Variants in PRKD2 observed in about 807,000 individuals in gnomAD.
PRKD2 encodes the protein protein kinase D2.
In PRKD2, 22 loss-of-function variants were observed where a neutral mutation model predicts 86.0. The observed-to-expected ratio is 0.26, with a 90% CI of 0.18 to 0.37. PRKD2 has a LOEUF of 0.37. Among genes scored for constraint, PRKD2 ranks in the 10% least tolerant of loss-of-function variants. The probability of loss-of-function intolerance (pLI) is 1.00; values close to 1 mark genes in which losing one functional copy is unlikely to be tolerated. For synonymous variants in PRKD2, 509 were observed against 510.9 expected, an observed-to-expected ratio of 1.00 and a Z score of 0.05; for missense variants, 818 against 1,199.2, an observed-to-expected ratio of 0.68 and a Z score of 4.70.
rs757388004 is a variant in PRKD2, at chr19:46,697,188, A to C, written c.1286T>G (p.Phe429Cys). 6.3e-7 allele frequency: 1 copy of C among 1,598,160 alleles called. No homozygotes were observed. Among genetic ancestry groups the C allele is most frequent in the Non-Finnish European group, 8.6e-7 (1 of 1,165,632 alleles). ...GTATCTGTTGGTCGTGTTGTTCTGG[A>C]AGAGCGTGATACACTTGCAGTCCAG... ...WRLDCKCITL[F>C]QNNTTNRYYK... Residue 429 changes from phenylalanine to cysteine, a missense_variant, in exon 9 of 18, where the codon TTC (phenylalanine) becomes TGC (cysteine). Coordinates refer to ENST00000291281, the MANE Select transcript of PRKD2 (RefSeq NM_016457.5).
At chr19:46,704,432 G>T (rs748769229) in intron 4 of PRKD2, 41 bp from the exon 5 acceptor site, 1 of 1,613,758 alleles carries the variant, frequency 6.2e-7, no homozygotes. Context: ...CAGTGCGTTG[G>T]CCCCATGCCT....
rs1599847517 is a variant in PRKD2 at position 46,716,461 on chromosome 19, C to T, written c.-91G>A. 3 of 644,468 alleles carry T rather than the reference C, an allele frequency of 4.7e-6. No individual in the cohort carries two copies. Among genetic ancestry groups the T allele is most frequent in the East Asian group, 3.4e-5 (1 of 29,576 alleles). The allele number at this position is 644,468 out of a possible 1,614,324, so 39.9% of individuals were successfully genotyped here. On this transcript the variant is annotated 5_prime_UTR_variant, in exon 1 of 18. Coordinates refer to ENST00000291281, the MANE Select transcript of PRKD2 (RefSeq NM_016457.5). The surrounding 1 kb of genome is among the most constrained non-coding windows in gnomAD (Gnocchi z 7.9). ...CCTGGGTTCTAGATCCGCGGGATCT[C>T]GTGAGCAGGTGGTGGGAGAGCGGGG...
chr19:46,685,117 G>A (rs770951108), intron 14 of PRKD2, among the ~76,000 whole-genome samples: 1 of 151,378 alleles, frequency 6.6e-6, no homozygotes, highest in African/African-American at 2.4e-5. Flanking sequence ...AAATTAGCCC[G>A]GTGTACTGGG....
chr19:46,700,545 T>C (rs1032753418), intron 7 of PRKD2, among the ~76,000 whole-genome samples: 6 of 151,952 alleles, frequency 3.9e-5, no homozygotes, highest in African/African-American at 1.5e-4. Flanking sequence ...GGTGGCAGGA[T>C]CGCTTGAGCC....
chr19:46,710,808 G>T (rs1008900635), intron 3 of PRKD2, 99 bp downstream of exon 3: 2 of 1,291,548 alleles, frequency 1.5e-6, no homozygotes. Context: ...TCTGAGACCC[G>T]CTCCTCCTCC....
intron 2 of PRKD2, among the ~76,000 whole-genome samples, chr19:46,711,254 G>A (rs1303162760): frequency 6.6e-6 from 1 of 152,216 alleles, no homozygotes; most frequent in Non-Finnish European, 1.5e-5. Flanking sequence ...CAGGGACAGA[G>A]CGGGAATTGG....
At chr19:46,703,980 C>CACACACACAA (rs912126336) in intron 5 of PRKD2, among the ~76,000 whole-genome samples, 189 bp downstream of exon 5, 4 of 151,684 alleles carry the variant, frequency 2.6e-5, no homozygotes, top group African/African-American at 9.7e-5. Context: ...CACACACACA[C>CACACACACAA]ACACACACAC....
chr19:46,690,164 C>T (rs2053463190), intron 13 of PRKD2, among the ~76,000 whole-genome samples: 1 of 152,174 alleles, frequency 6.6e-6, no homozygotes, highest in Non-Finnish European at 1.5e-5. Flanking sequence ...CCCCCTCTCA[C>T]ATTCTCCAGT....
intron 5 of PRKD2, among the ~76,000 whole-genome samples, chr19:46,702,871 TAG>T (rs1784931306): frequency 1.3e-5 from 2 of 152,066 alleles, no homozygotes; most frequent in South Asian, 4.2e-4. Context: ...ATTTTTTTTG[TAG>T]AGACAGGGTT....
rs1478062454 is a variant in PRKD2, at chr19:46,678,100, C to A, written c.2338+296G>T. On this transcript the variant is annotated intron_variant, in intron 16 of 17. Coordinates refer to ENST00000291281, the MANE Select transcript of PRKD2 (RefSeq NM_016457.5). The surrounding 1 kb of genome is among the most constrained non-coding windows in gnomAD (Gnocchi z 5.7). ...CCTCAAGTCCAGTCCCTTTCCTGGT[C>A]CCACCCTAGACAAGCCAAGTCTCAC... Among the ~76,000 whole-genome samples, 4 of 152,178 alleles carry A rather than the reference C, an allele frequency of 2.6e-5. No homozygotes were observed. The highest frequency in any genetic ancestry group is 2.6e-4 in the Admixed American group (4 of 15,268).
chr19:46,674,691 C>T lies in PRKD2; in HGVS notation c.2469G>A (p.Met823Ile). The T allele has an allele frequency of 6.2e-7, 1 of 1,606,190 alleles. No homozygotes were observed. The highest frequency in any genetic ancestry group is 2.2e-5 in the East Asian group (1 of 44,880). Residue 823 changes from methionine to isoleucine, a missense_variant, in exon 18 of 18, where the codon ATG becomes ATA. Met to Ile is a conservative substitution (Grantham distance 10). This residue lies in a region of PRKD2 where 132 missense variants were observed against 146.2 expected (regional missense o/e 0.90). Coordinates refer to ENST00000291281, the MANE Select transcript of PRKD2 (RefSeq NM_016457.5). ...TCTCATGCGTGATGTATCGCTCTCC[C>T]ATCTTCCCCTCCAGCTCTCGGAGGT... The part of the protein sequence containing the change: ...WLDLRELEGK[M>I]GERYITHESD...
At chr19:46,690,736 G>A in intron 12 of PRKD2, 30 bp from the exon 13 acceptor site, 3 of 1,589,640 alleles carry the variant, frequency 1.9e-6, no homozygotes, top group Non-Finnish European at 1.7e-6. Context: ...GATGGGGGAT[G>A]AGAGAGCAAG....
chr19:46,706,594 T>A (rs1477861876), intron 3 of PRKD2, among the ~76,000 whole-genome samples: 2 of 152,188 alleles, frequency 1.3e-5, no homozygotes, highest in Non-Finnish European at 2.9e-5. Context: ...CCTGTCGGAA[T>A]GTAGTCATTT....
At chr19:46,683,123 G>A (rs2053335197) in intron 14 of PRKD2, among the ~76,000 whole-genome samples, 1 of 150,978 alleles carries the variant, frequency 6.6e-6, no homozygotes, top group African/African-American at 2.4e-5. Context: ...AAATAGCTAG[G>A]ACTACAGGCA....
chr19:46,716,179 G>C lies in PRKD2; in HGVS notation c.192C>G (p.Ser64=). The C allele has an allele frequency of 1.9e-6, 3 of 1,611,442 alleles. No individual in the cohort carries two copies. Among genetic ancestry groups the C allele is most frequent in the Non-Finnish European group, 1.7e-6 (2 of 1,179,386 alleles). The change falls in exon 1 of 18, where the codon TCC becomes TCG. Residue 64 remains serine (S), a synonymous_variant. Coordinates refer to ENST00000291281, the MANE Select transcript of PRKD2 (RefSeq NM_016457.5). This position sits in a 1 kb window ranked among gnomAD's most constrained non-coding sequence, Gnocchi z 7.9. ...TREFVLLPAA[S]ELAHVKQLAC... ...CCAGCTGCTTCACATGAGCCAGCTC[G>C]GAGGCGGCGGGCAACAGCACGAACT...
rs965679251 is a variant in PRKD2 at position 46,689,504 on chromosome 19, A to T, written c.1971+33T>A. On this transcript the variant is annotated intron_variant, in intron 14 of 17. Transcript: ENST00000291281. ...CTCTCCAAGCTGACACCTGATGGGG[A>T]GGGGCGGGTGGCAGCGGGCAGGGCA... 1.9e-6 allele frequency: 3 copies of T among 1,565,528 alleles called. No homozygotes were observed. The African/African-American group carries it at 4.0e-5, about 21-fold the overall frequency.
rs965969111 is a variant in PRKD2 at position 46,704,296 on chromosome 19, G to T, written c.762C>A (p.Asp254Glu). The T allele has an allele frequency of 1.2e-6, 2 of 1,614,222 alleles. No homozygotes were observed. Among genetic ancestry groups the T allele is most frequent in the Non-Finnish European group, 1.7e-6 (2 of 1,180,030 alleles). The change falls in exon 5 of 18, where the codon GAC (aspartate) becomes GAA (glutamate). Residue 254 changes from aspartate (D) to glutamate (E), a missense_variant. By Grantham distance (45) the Asp-to-Glu change is conservative. This residue lies in a region of PRKD2 where 403 missense variants were observed against 518.6 expected (regional missense o/e 0.78). Transcript: ENST00000291281. ...SSYTGRPIELDKMLLSKVKVP... is the reference protein window; with the variant it reads ...SSYTGRPIELEKMLLSKVKVP... ...CCTTGACCTTGGAGAGCAGCATCTT[G>T]TCCAGCTCAATGGGGCGGCCCGTAT...
At chr19:46,686,811 C>T (rs1344118184) in intron 14 of PRKD2, among the ~76,000 whole-genome samples, 3 of 151,638 alleles carry the variant, frequency 2.0e-5, no homozygotes, top group Non-Finnish European at 2.9e-5. Flanking sequence ...ATTAGCCGGG[C>T]GTGGTGGTGG....
intron 16 of PRKD2, among the ~76,000 whole-genome samples, chr19:46,675,696 T>A (rs2053190204): frequency 1.3e-5 from 2 of 152,172 alleles, no homozygotes; most frequent in Admixed American, 1.3e-4. Context: ...CCGCCTGCCT[T>A]GGCCTCCCAA....
Sources: allele counts gnomAD v4.1 joint callset (sites outside exome capture counted in the v4.1 genomes callset), GRCh38; gene constraint gnomAD v4.1.1; regional missense constraint gnomAD v4.1.1; non-coding constraint Gnocchi (gnomAD v3.1); transcripts MANE v1.5; gene names NCBI Gene and HGNC (gene_info 2026-07-23, HGNC 2026-07-21).